SUGCT: variants seen among roughly 807,000 people sequenced by gnomAD.
SUGCT encodes succinyl-CoA:glutarate-CoA transferase, also known as succinyl-CoA:glutarate CoA-transferase.
In SUGCT, 41 loss-of-function variants were observed where a neutral mutation model predicts 55.0. The observed-to-expected ratio is 0.74, with a 90% CI of 0.58 to 0.97. SUGCT has a LOEUF of 0.97. Ranked by LOEUF, SUGCT falls within the 50% of genes least tolerant of loss-of-function variation. The pLI is 0.00. For missense variants in SUGCT, 568 were observed against 547.8 expected (o/e 1.04, Z -0.37); for synonymous variants, 187 against 200.4 (o/e 0.93, Z 0.56).
intron 12 of SUGCT, among the ~76,000 whole-genome samples, chr7:40,679,253 A>G (rs1303495497): frequency 6.6e-6 from 1 of 152,226 alleles, no homozygotes; most frequent in Non-Finnish European, 1.5e-5. Flanking sequence ...CCTAGTGTTT[A>G]TCAATCTTGA....
intron 12 of SUGCT, among the ~76,000 whole-genome samples, chr7:40,595,407 C>G (rs1251507429): frequency 6.6e-6 from 1 of 152,020 alleles, no homozygotes; most frequent in South Asian, 2.1e-4. Context: ...AGAAGAGAGT[C>G]GAATAGAGTC....
chr7:40,181,345 A>G (rs896441825), intron 2 of SUGCT, among the ~76,000 whole-genome samples: 4 of 152,314 alleles, frequency 2.6e-5, no homozygotes, highest in Non-Finnish European at 5.9e-5. Flanking sequence ...TCGATGTCAC[A>G]TAATTACTTA....
At chr7:40,548,186 C>CTTTT (rs1186226631) in intron 12 of SUGCT, among the ~76,000 whole-genome samples, 643 of 104,542 alleles carry the variant, frequency 6.2e-3, no homozygotes, top group Non-Finnish European at 7.6e-3. Context: ...TTCTTTCTTT[C>CTTTT]TTTTTTTTTT....
At chr7:40,668,448 T>C (rs1180055394) in intron 12 of SUGCT, among the ~76,000 whole-genome samples, 1 of 152,228 alleles carries the variant, frequency 6.6e-6, no homozygotes, top group African/African-American at 2.4e-5. Flanking sequence ...CATTGATTCA[T>C]TCTCTAAAAC....
intron 12 of SUGCT, among the ~76,000 whole-genome samples, chr7:40,699,614 A>C (rs965865373): frequency 5.9e-5 from 9 of 152,330 alleles, no homozygotes; most frequent in African/African-American, 2.2e-4. Flanking sequence ...TACGCCTGTA[A>C]TCCCAGCACT....
At position 40,364,760 on chromosome 7, in the gene SUGCT, G is replaced by A. The variant is rs187730796; in HGVS notation, c.816+47905G>A. The stretch of plus-strand genomic sequence containing the variant: ...ACCAATAACAGGCTCTGAAATTGTG[G>A]CAATAATCAATAGCTTACCAACCAA... On this transcript the variant is annotated intron_variant, in intron 9 of 13. Coordinates refer to ENST00000335693, the MANE Select transcript of SUGCT (RefSeq NM_001193313.2). Among the ~76,000 whole-genome samples the A allele has an allele frequency of 1.5e-3, 235 of 152,088 alleles. 1 individual carries two copies. Among genetic ancestry groups the A allele is most frequent in the Admixed American group, 2.9e-3 (44 of 15,266 alleles).
intron 7 of SUGCT, among the ~76,000 whole-genome samples, chr7:40,260,734 C>T (rs1791166012): frequency 1.3e-5 from 2 of 152,142 alleles, no homozygotes. Context: ...TTACTGCAAC[C>T]TCTGCCTTCT....
intron 9 of SUGCT, among the ~76,000 whole-genome samples, chr7:40,409,351 CT>C (rs1340879077): frequency 1.3e-5 from 2 of 151,982 alleles, no homozygotes; most frequent in Admixed American, 1.3e-4. Context: ...GCAGCCTTGA[CT>C]TCCTGGGCTC....
chr7:40,882,954 C>T, the SUGCT span, among the ~76,000 whole-genome samples: 2 of 152,194 alleles, frequency 1.3e-5, no homozygotes, highest in African/African-American at 2.4e-5. Flanking sequence ...GAAAACCTTT[C>T]TATGCTTCTA....
the SUGCT span, among the ~76,000 whole-genome samples, chr7:40,886,246 A>C: frequency 6.6e-6 from 1 of 152,190 alleles, no homozygotes; most frequent in Non-Finnish European, 1.5e-5. Flanking sequence ...TACTGGGGCT[A>C]TTGATGGTAC....
the SUGCT span, among the ~76,000 whole-genome samples, chr7:40,923,586 C>T: frequency 6.6e-6 from 1 of 152,050 alleles, no homozygotes; most frequent in Non-Finnish European, 1.5e-5. Flanking sequence ...TTCACAGGCC[C>T]CTAAATCTTC....
chr7:40,513,929 A>G (rs1249264107), intron 12 of SUGCT, among the ~76,000 whole-genome samples: 1 of 151,324 alleles, frequency 6.6e-6, no homozygotes, highest in Non-Finnish European at 1.5e-5. Flanking sequence ...AGCTGGGACT[A>G]CAGTCACCTG....
chr7:40,805,353 A>G (rs541105757), intron 13 of SUGCT, among the ~76,000 whole-genome samples: 146 of 152,146 alleles, frequency 9.6e-4, no homozygotes, highest in Non-Finnish European at 1.8e-3. Context: ...TGCCCCCCGG[A>G]AGTTCTCATG....
intron 13 of SUGCT, among the ~76,000 whole-genome samples, chr7:40,840,758 CA>C (rs1793236017): frequency 7.4e-6 from 1 of 135,302 alleles, no homozygotes; most frequent in African/African-American, 2.8e-5. Context: ...ATCAATGAAA[CA>C]AAAGCTGGTT....
chr7:40,239,102 A>G (rs531388316), intron 7 of SUGCT, among the ~76,000 whole-genome samples: 1 of 151,528 alleles, frequency 6.6e-6, no homozygotes, highest in Non-Finnish European at 1.5e-5. Flanking sequence ...CACCACATCT[A>G]GCCTGTTTTG....
At chr7:40,442,123 C>T (rs1036845337) in intron 9 of SUGCT, among the ~76,000 whole-genome samples, 1 of 152,074 alleles carries the variant, frequency 6.6e-6, no homozygotes, top group African/African-American at 2.4e-5. Flanking sequence ...ATAGTAAATC[C>T]TTATAGAAAG....
At chr7:40,223,793 G>A (rs749147425) in intron 6 of SUGCT, among the ~76,000 whole-genome samples, 4 of 152,164 alleles carry the variant, frequency 2.6e-5, no homozygotes, top group Non-Finnish European at 5.9e-5. Flanking sequence ...GATGTAGACT[G>A]TACTTAATTG....
At chr7:40,620,865 A>G (rs1172769689) in intron 12 of SUGCT, among the ~76,000 whole-genome samples, 2 of 152,234 alleles carry the variant, frequency 1.3e-5, no homozygotes, top group African/African-American at 4.8e-5. Context: ...CAAGTTTGCA[A>G]AACAGTAGGG....
chr7:40,502,216 A>G (rs1216841324), intron 12 of SUGCT, among the ~76,000 whole-genome samples: 6 of 152,116 alleles, frequency 3.9e-5, no homozygotes, highest in Non-Finnish European at 5.9e-5. Context: ...GAACACTTCT[A>G]TAATATTTCA....
Sources: gnomAD v4.1 joint callset for allele counts (sites outside exome capture counted in the v4.1 genomes callset) on GRCh38, gnomAD v4.1.1 for gene constraint, MANE v1.5 for transcripts, NCBI Gene and HGNC (gene_info 2026-07-23, HGNC 2026-07-21) for gene names.